CREBBP: variants seen among roughly 807,000 people sequenced by gnomAD.
The protein encoded by CREBBP is CREB binding lysine acetyltransferase, also known as CREB-binding protein.
In CREBBP, 19 loss-of-function variants were observed where a neutral mutation model predicts 265.0. That is an observed-to-expected ratio of 0.07 (90% CI 0.05 to 0.11). CREBBP has a LOEUF of 0.11. Ranked by LOEUF, CREBBP falls within the 10% of genes least tolerant of loss-of-function variation. The pLI is 1.00. For missense variants in CREBBP, 2,525 were observed against 3,219.0 expected, an observed-to-expected ratio of 0.78 and a Z score of 5.22; for synonymous variants, 1,457 against 1,223.7, an observed-to-expected ratio of 1.19 and a Z score of -3.98.
intron 20 of CREBBP, among the ~76,000 whole-genome samples, chr16:3,751,262 C>T (rs1024530147): frequency 2.6e-5 from 4 of 152,062 alleles, no homozygotes; most frequent in African/African-American, 4.8e-5. Context: ...TAAATGTATA[C>T]GTATACACAT....
chr16:3,828,604 A>T (rs189514078), intron 2 of CREBBP, among the ~76,000 whole-genome samples: 5 of 152,326 alleles, frequency 3.3e-5, no homozygotes, highest in Non-Finnish European at 4.4e-5. Context: ...AATTTCGTGC[A>T]TGGGGGAAAA....
chr16:3,732,628 T>C (rs537406446), intron 28 of CREBBP, among the ~76,000 whole-genome samples: 5 of 152,298 alleles, frequency 3.3e-5, no homozygotes, highest in East Asian at 1.9e-4. Context: ...TGGTGTCATC[T>C]TGGGTTCAAG....
At position 3,880,297 on chromosome 16, in the gene CREBBP, A is replaced by C. The variant is rs1567386845; in HGVS notation, c.-381T>G. The C allele has an allele frequency of 1.5e-5, 2 of 133,846 alleles. No homozygotes were observed. Among genetic ancestry groups the C allele is most frequent in the Non-Finnish European group, 3.3e-5 (2 of 61,332 alleles). The allele number at this position is 133,846 out of a possible 1,614,324, so 8.3% of individuals were successfully genotyped here. Reference sequence around the variant, plus strand: ...GGCGGCTCAGGCAGTCCCCGAGAACATGGTGCCGCCGCCGCCGCCGCCTCG... The same window carrying C: ...GGCGGCTCAGGCAGTCCCCGAGAACCTGGTGCCGCCGCCGCCGCCGCCTCG... On this transcript the variant is annotated 5_prime_UTR_variant, in exon 1 of 31. An upstream start codon of the reference 5' UTR is lost. Transcript: ENST00000262367.
chr16:3,876,608 G>T lies in CREBBP; in HGVS notation c.85+3224C>A, dbSNP rs116924749. On this transcript the variant is annotated intron_variant, in intron 1 of 30. Transcript: ENST00000262367. ...CGGTAATATAAAGTCCCCACTTATTGTAAGGGTGCCAAGTAAAGGAAGACC... is the reference window on the plus strand; with the variant it reads ...CGGTAATATAAAGTCCCCACTTATTTTAAGGGTGCCAAGTAAAGGAAGACC... Among the ~76,000 whole-genome samples the T allele has an allele frequency of 8.1e-3, 1,233 of 152,146 alleles. 8 individuals are homozygous for T. Among genetic ancestry groups the T allele is most frequent in the Non-Finnish European group, 9.7e-3 (661 of 68,006 alleles).
chr16:3,766,385 CAGTA>C (rs970222978), intron 16 of CREBBP, among the ~76,000 whole-genome samples: 4 of 152,220 alleles, frequency 2.6e-5, no homozygotes, highest in African/African-American at 9.6e-5. Flanking sequence ...AATCACAACA[CAGTA>C]AATGCAGAGG....
At chr16:3,869,827 C>A (rs1290497516) in intron 1 of CREBBP, among the ~76,000 whole-genome samples, 1 of 152,092 alleles carries the variant, frequency 6.6e-6, no homozygotes, top group Admixed American at 6.5e-5. Context: ...GGAAAGAATC[C>A]GTTCTCCCCT....
At chr16:3,848,047 G>A (rs907169829) in intron 2 of CREBBP, among the ~76,000 whole-genome samples, 3 of 151,992 alleles carry the variant, frequency 2.0e-5, no homozygotes, top group Non-Finnish European at 2.9e-5. Context: ...GCACGCGCCT[G>A]TAATCCCAGC....
intron 5 of CREBBP, among the ~76,000 whole-genome samples, chr16:3,787,445 C>T (rs1319552672): frequency 6.6e-6 from 1 of 152,140 alleles, no homozygotes; most frequent in Non-Finnish European, 1.5e-5. Flanking sequence ...CTCTCTACAG[C>T]CTTCAGATTC....
At chr16:3,794,600 C>T (rs747522125) in intron 3 of CREBBP, among the ~76,000 whole-genome samples, 1 of 152,164 alleles carries the variant, frequency 6.6e-6, no homozygotes, top group Non-Finnish European at 1.5e-5. Context: ...TTACAATTTC[C>T]ACTCAGACAG....
At chr16:3,802,139 TTTTTTTTTTTG>T (rs2053728929) in intron 3 of CREBBP, among the ~76,000 whole-genome samples, 1 of 121,644 alleles carries the variant, frequency 8.2e-6, no homozygotes, top group African/African-American at 3.4e-5. Flanking sequence ...TTTTTTTTTT[TTTTTTTTTTTG>T]TGACAGAGTC....
At chr16:3,744,077 T>TA (rs372236472) in intron 23 of CREBBP, among the ~76,000 whole-genome samples, 23 of 148,360 alleles carry the variant, frequency 1.6e-4, no homozygotes, top group South Asian at 2.1e-4. Flanking sequence ...TGTCTCAAAT[T>TA]AAAAAAAAAA....
chr16:3,867,634 T>C (rs1567376275), intron 1 of CREBBP, among the ~76,000 whole-genome samples: 1 of 151,854 alleles, frequency 6.6e-6, no homozygotes, highest in Admixed American at 6.6e-5. Context: ...AAAGAAAGCC[T>C]GGGCCGAGCA....
chr16:3,769,402 T>C (rs2141193355), intron 14 of CREBBP, 49 bp from the exon 15 acceptor site: 1 of 1,607,924 alleles, frequency 6.2e-7, no homozygotes, highest in Non-Finnish European at 8.5e-7. Flanking sequence ...GTAACATAAA[T>C]GATCTTCAAC....
At position 3,736,691 on chromosome 16, in the gene CREBBP, G is replaced by C. The variant is rs2151329349; in HGVS notation, c.4519C>G (p.Leu1507Val). Residue 1507 changes from leucine to valine, a missense_variant, in exon 27 of 31, where the codon CTG (leucine) becomes GTG (valine). By Grantham distance (32) the Leu-to-Val change is conservative (BLOSUM62 1). Around this residue, in one of 19 missense-constraint regions of CREBBP, gnomAD observed 93 missense variants for 161.5 expected, o/e 0.58. Coordinates refer to ENST00000262367, the MANE Select transcript of CREBBP (RefSeq NM_004380.3). ...KRLQEWYKKM[L>V]DKAFAERIIH... ...ATCCGCTCTGCAAACGCCTTGTCCA[G>C]CATCTTTTTGTACCACTCCTGCAGT... is the stretch of plus-strand genomic sequence containing the variant. 1 of 1,614,162 alleles carries C rather than the reference G, an allele frequency of 6.2e-7. No homozygotes were observed. The highest frequency in any genetic ancestry group is 1.1e-5 in the South Asian group (1 of 91,086).
At chr16:3,852,809 CCCTT>C (rs1298607424) in intron 1 of CREBBP, among the ~76,000 whole-genome samples, 1 of 152,088 alleles carries the variant, frequency 6.6e-6, no homozygotes, top group Non-Finnish European at 1.5e-5. Flanking sequence ...TTTTTCTGGT[CCCTT>C]TCAAAGTAAC....
At chr16:3,801,435 G>A (rs536999561) in intron 3 of CREBBP, among the ~76,000 whole-genome samples, 4 of 152,278 alleles carry the variant, frequency 2.6e-5, no homozygotes, top group Non-Finnish European at 4.4e-5. Context: ...TTGGGAGGCC[G>A]AGGTGGGCAG....
intron 19 of CREBBP, among the ~76,000 whole-genome samples, chr16:3,756,097 TAACAAAA>T (rs1396700149): frequency 6.6e-6 from 1 of 152,000 alleles, no homozygotes; most frequent in Non-Finnish European, 1.5e-5. Context: ...TGTGAACAAA[TAACAAAA>T]AGCCTTCTGT....
At chr16:3,862,018 T>C (rs1201393505) in intron 1 of CREBBP, among the ~76,000 whole-genome samples, 1 of 152,170 alleles carries the variant, frequency 6.6e-6, no homozygotes, top group Non-Finnish European at 1.5e-5. Flanking sequence ...AGCGAGTCAC[T>C]GCTCAGGGGC....
intron 25 of CREBBP, among the ~76,000 whole-genome samples, chr16:3,739,147 T>C (rs932907611): frequency 3.3e-5 from 5 of 152,250 alleles, no homozygotes; most frequent in Non-Finnish European, 5.9e-5. Flanking sequence ...AATTCAGTTT[T>C]CGTCACTGAA....
Sources: allele counts gnomAD v4.1 joint callset (sites outside exome capture counted in the v4.1 genomes callset), GRCh38; gene constraint gnomAD v4.1.1; regional missense constraint gnomAD v4.1.1; transcripts MANE v1.5; gene names NCBI Gene and HGNC (gene_info 2026-07-23, HGNC 2026-07-21).